Variants in RAPGEF5 observed in about 807,000 individuals in gnomAD.
The protein encoded by RAPGEF5 is Rap guanine nucleotide exchange factor 5, also known as M-Ras-regulated GEF.
A neutral mutation model predicts 125.2 loss-of-function variants in RAPGEF5; 65 were observed. That is an observed-to-expected ratio of 0.52 (90% confidence interval 0.43 to 0.64). The LOEUF is 0.64. Among genes scored for constraint, RAPGEF5 ranks in the 30% least tolerant of loss-of-function variants. The pLI is 0.00. For synonymous variants in RAPGEF5, 391 were observed against 385.9 expected (o/e 1.01, Z -0.16); for missense variants, 958 against 1,048.1 (o/e 0.91, Z 1.19).
chr7:22,224,591 T>A (rs1230651579), intron 8 of RAPGEF5, among the ~76,000 whole-genome samples: 1 of 152,102 alleles, frequency 6.6e-6, no homozygotes, highest in East Asian at 1.9e-4. Flanking sequence ...TTAGTCCCCA[T>A]CTTGCTCTGC....
At chr7:22,302,883 G>A (rs1204881036) in intron 5 of RAPGEF5, among the ~76,000 whole-genome samples, 2 of 148,652 alleles carry the variant, frequency 1.3e-5, no homozygotes, top group African/African-American at 5.0e-5. Context: ...CCATATTTGA[G>A]TGCAATATGA....
At chr7:22,278,355 TCTCATCACCACCA>T (rs1409363757) in intron 6 of RAPGEF5, among the ~76,000 whole-genome samples, 1 of 152,208 alleles carries the variant, frequency 6.6e-6, no homozygotes, top group Non-Finnish European at 1.5e-5. Context: ...ATTTTTTACA[TCTCATCACCACCA>T]CACAATGTGT....
rs916218769 is a variant in RAPGEF5, at chr7:22,176,517, TTTTG to T, written c.1205-9373_1205-9370del. 2.2e-4 allele frequency among the ~76,000 whole-genome samples: 34 copies of T among 152,166 alleles called. 2 individuals carry two copies. Among genetic ancestry groups the T allele is most frequent in the African/African-American group, 6.5e-4 (27 of 41,520 alleles). Reference sequence around the variant, plus strand: ...AACATAAGTAAGCACAATTAAGGCTTTTTGTTTGTTTGTTTGTTTATTTTTGAGA... The same window carrying T: ...AACATAAGTAAGCACAATTAAGGCTTTTTGTTTGTTTGTTTATTTTTGAGA... On this transcript the variant is annotated intron_variant, in intron 11 of 25. Transcript: ENST00000665637.
intron 5 of RAPGEF5, among the ~76,000 whole-genome samples, chr7:22,306,203 C>T (rs557507415): frequency 6.6e-6 from 1 of 152,298 alleles, no homozygotes; most frequent in African/African-American, 2.4e-5. Flanking sequence ...GCATCCTCCT[C>T]AGCATTTGTA....
At chr7:22,296,837 G>C (rs578170224) in intron 5 of RAPGEF5, among the ~76,000 whole-genome samples, 8 of 152,334 alleles carry the variant, frequency 5.3e-5, no homozygotes, top group South Asian at 4.1e-4. Flanking sequence ...GAAGAGCCAA[G>C]AGATGTTATC....
At chr7:22,349,455 T>C (rs2128388991) in intron 1 of RAPGEF5, among the ~76,000 whole-genome samples, 1 of 149,884 alleles carries the variant, frequency 6.7e-6, no homozygotes, top group South Asian at 2.1e-4. Context: ...GTGACTATAA[T>C]TTAACATTAA....
Position 22,209,460 on chromosome 7 carries a change from T to C in RAPGEF5, c.996+10406A>G, listed in dbSNP as rs142252153. 3.3e-5 allele frequency among the ~76,000 whole-genome samples: 5 copies of C among 152,334 alleles called. No individual in the cohort carries two copies. The East Asian group carries it at 9.6e-4, about 29-fold the overall frequency. On this transcript the variant is annotated intron_variant, in intron 9 of 25. Coordinates refer to ENST00000665637, the MANE Select transcript of RAPGEF5 (RefSeq NM_012294.5). The stretch of plus-strand genomic sequence containing the variant: ...TTTACTTACATATCTTCTAAAATTC[T>C]ACTCATACATATTATTAGAGAGGAA...
intron 1 of RAPGEF5, among the ~76,000 whole-genome samples, chr7:22,340,309 C>T (rs1031099041): frequency 2.6e-5 from 4 of 152,152 alleles, no homozygotes; most frequent in African/African-American, 9.7e-5. Context: ...GAGAACAAGA[C>T]AACAGGAACC....
At chr7:22,258,144 C>T (rs1350212060) in intron 7 of RAPGEF5, among the ~76,000 whole-genome samples, 3 of 151,956 alleles carry the variant, frequency 2.0e-5, no homozygotes, top group Non-Finnish European at 4.4e-5. Flanking sequence ...AAAGAGCCAA[C>T]TAGAAGAGAT....
intron 5 of RAPGEF5, among the ~76,000 whole-genome samples, chr7:22,300,428 T>C (rs1313639155): frequency 2.6e-5 from 4 of 152,230 alleles, no homozygotes; most frequent in African/African-American, 4.8e-5. Flanking sequence ...ATCTGAGTCA[T>C]CTCAGGGTAG....
Position 22,267,367 on chromosome 7 carries a change from A to G in RAPGEF5, c.748-355T>C, listed in dbSNP as rs114392197. Among the ~76,000 whole-genome samples, 10 of 152,320 alleles carry G rather than the reference A, an allele frequency of 6.6e-5. No homozygotes were observed. In the East Asian group the frequency reaches 1.7e-3, roughly 26 times the overall value. ...TTATTAAAATATACATGATACCATA[A>G]TAAAGATTAAATATTACTTATCCCT... On this transcript the variant is annotated intron_variant, in intron 6 of 25. Transcript: ENST00000665637.
At chr7:22,198,396 G>C (rs959231644) in intron 9 of RAPGEF5, among the ~76,000 whole-genome samples, 1 of 152,164 alleles carries the variant, frequency 6.6e-6, no homozygotes, top group African/African-American at 2.4e-5. Context: ...ACTGGACAAT[G>C]TCAAAGCTAG....
chr7:22,356,765 G>T, intron 1 of RAPGEF5, 65 bp downstream of exon 1: 1 of 927,858 alleles, frequency 1.1e-6, no homozygotes, highest in Non-Finnish European at 1.3e-6. Context: ...CAGCGGCCCG[G>T]GGGGTGGGCG....
chr7:22,150,461 G>A lies in RAPGEF5; in HGVS notation c.1830C>T (p.Ser610=), dbSNP rs755918867. The A allele has an allele frequency of 1.2e-6, 2 of 1,605,262 alleles. No homozygotes were observed. The highest frequency in any genetic ancestry group is 2.3e-5 in the East Asian group (1 of 43,982). Residue 610 remains serine, a synonymous_variant, in exon 18 of 26, where the codon TCC becomes TCT. Transcript: ENST00000665637. ...LQPNDLVISK[S]LEASGRIYVY... ...CATATATTCGACCAGATGCCTCGAG[G>A]GATTTGGAGATGACTAAGTCATTTG...
intron 12 of RAPGEF5, among the ~76,000 whole-genome samples, chr7:22,166,602 G>T (rs776024680): frequency 2.6e-5 from 4 of 152,332 alleles, no homozygotes; most frequent in Non-Finnish European, 5.9e-5. Context: ...GGTTAGGTTC[G>T]ACCTCCCATG....
chr7:22,147,559 T>G (rs1474039518), intron 18 of RAPGEF5, among the ~76,000 whole-genome samples: 1 of 152,194 alleles, frequency 6.6e-6, no homozygotes, highest in East Asian at 1.9e-4. Flanking sequence ...AAATAGAAAT[T>G]ATTTCATTTA....
chr7:22,180,856 GT>G (rs1295195456), intron 11 of RAPGEF5, among the ~76,000 whole-genome samples: 1 of 152,200 alleles, frequency 6.6e-6, no homozygotes, highest in Non-Finnish European at 1.5e-5. Context: ...TGCCTTGGAT[GT>G]TTGTTTGTTG....
chr7:22,318,685 C>A (rs1163651745), intron 1 of RAPGEF5, among the ~76,000 whole-genome samples: 1 of 152,206 alleles, frequency 6.6e-6, no homozygotes. Flanking sequence ...TCACGTCAGT[C>A]TTCATGTTAA....
In RAPGEF5 at chr7:22,357,078, G is replaced by T; in HGVS notation, c.-18C>A. The stretch of plus-strand genomic sequence containing the variant: ...ATCCTCATGCCCTGACGGCGCTGCG[G>T]CGCCGGGGGCTCCTCTCCACCGCGC... On this transcript the variant is annotated 5_prime_UTR_variant, in exon 1 of 26. Coordinates refer to ENST00000665637, the MANE Select transcript of RAPGEF5 (RefSeq NM_012294.5). 9.7e-7 allele frequency: 1 copy of T among 1,031,302 alleles called. No individual in the cohort carries two copies. Among genetic ancestry groups the T allele is most frequent in the Non-Finnish European group, 1.2e-6 (1 of 860,194 alleles). 63.9% of individuals were successfully genotyped at this position (1,031,302 alleles called of 1,614,324 possible).
Sources: allele counts gnomAD v4.1 joint callset (sites outside exome capture counted in the v4.1 genomes callset), GRCh38; gene constraint gnomAD v4.1.1; transcripts MANE v1.5; gene names NCBI Gene and HGNC (gene_info 2026-07-23, HGNC 2026-07-21).